The following LRRC7 variants were observed in gnomAD, a reference collection of about 807,000 sequenced individuals.
The protein encoded by LRRC7 is leucine rich repeat containing 7.
LRRC7 carries 23 observed loss-of-function variants against 175.7 expected under a neutral mutation model. The observed-to-expected ratio is 0.13, with a 90% CI of 0.09 to 0.19. LRRC7 has a LOEUF of 0.19. Among genes scored for constraint, LRRC7 ranks in the 10% least tolerant of loss-of-function variants. The probability of loss-of-function intolerance (pLI) is 1.00; values close to 1 mark genes in which losing one functional copy is unlikely to be tolerated. For synonymous variants in LRRC7, 685 were observed against 680.9 expected, an observed-to-expected ratio of 1.01 and a Z score of -0.09; for missense variants, 1,354 against 1,904.7, an observed-to-expected ratio of 0.71 and a Z score of 5.38.
intron 1 of LRRC7, among the ~76,000 whole-genome samples, chr1:69,615,539 A>G (rs143526150): frequency 4.3e-4 from 66 of 152,216 alleles, no homozygotes; most frequent in African/African-American, 1.4e-3. Context: ...TACTTTCAGA[A>G]TTCTAATCAT....
intron 1 of LRRC7, among the ~76,000 whole-genome samples, chr1:69,604,655 A>G (rs184545857): frequency 9.3e-4 from 142 of 152,176 alleles, no homozygotes; most frequent in African/African-American, 3.2e-3. Flanking sequence ...TTATTGTTTT[A>G]TGAGTTTTGC....
At chr1:69,602,092 A>G (rs1647097362) in intron 1 of LRRC7, among the ~76,000 whole-genome samples, 1 of 152,234 alleles carries the variant, frequency 6.6e-6, no homozygotes, top group South Asian at 2.1e-4. Context: ...TACTTTACAA[A>G]TAAATGAATT....
chr1:69,955,092 T>C (rs1650356950), intron 8 of LRRC7, among the ~76,000 whole-genome samples: 1 of 152,092 alleles, frequency 6.6e-6, no homozygotes, highest in Non-Finnish European at 1.5e-5. Context: ...TTCTCTGTTA[T>C]ATGCCACACA....
chr1:69,748,459 T>C (rs1189149922), intron 2 of LRRC7, among the ~76,000 whole-genome samples: 1 of 152,142 alleles, frequency 6.6e-6, no homozygotes, highest in African/African-American at 2.4e-5. Flanking sequence ...TACTCAAATC[T>C]CTGGAAGAAG....
chr1:69,589,115 G>GGGGTGTGTGTGTGT (rs1216721512), intron 1 of LRRC7, among the ~76,000 whole-genome samples: 32 of 142,458 alleles, frequency 2.2e-4, no homozygotes, highest in African/African-American at 7.8e-4. Flanking sequence ...TCATAAAAAG[G>GGGGTGTGTGTGTGT]GTGTGTGTGT....
chr1:69,781,547 G>C (rs187087734), intron 3 of LRRC7, among the ~76,000 whole-genome samples: 1 of 150,756 alleles, frequency 6.6e-6, no homozygotes, highest in East Asian at 2.0e-4. Context: ...GCCAGGTGTG[G>C]TGTGCACAAC....
intron 1 of LRRC7, among the ~76,000 whole-genome samples, chr1:69,637,301 C>T (rs2100410682): frequency 6.6e-6 from 1 of 152,070 alleles, no homozygotes; most frequent in East Asian, 1.9e-4. Context: ...CAATGTCTCA[C>T]ACTGTTTTTA....
chr1:69,900,631 C>A (rs1023439613), intron 7 of LRRC7, among the ~76,000 whole-genome samples: 5 of 152,070 alleles, frequency 3.3e-5, no homozygotes, highest in Non-Finnish European at 7.4e-5. Flanking sequence ...CCTTAAAAAG[C>A]AATTACTGGT....
intron 11 of LRRC7, among the ~76,000 whole-genome samples, chr1:70,006,591 C>T (rs1038385220): frequency 6.6e-6 from 1 of 152,122 alleles, no homozygotes; most frequent in African/African-American, 2.4e-5. Flanking sequence ...CACCAAGCAA[C>T]TTTGCAGTTC....
intron 3 of LRRC7, among the ~76,000 whole-genome samples, chr1:69,780,313 C>T (rs1346203798): frequency 6.6e-6 from 1 of 152,164 alleles, no homozygotes; most frequent in Admixed American, 6.5e-5. Flanking sequence ...AGCCATCTCT[C>T]TGCTATAGTA....
chr1:69,617,171 A>T (rs1649766350), intron 1 of LRRC7, among the ~76,000 whole-genome samples: 1 of 152,052 alleles, frequency 6.6e-6, no homozygotes, highest in South Asian at 2.1e-4. Flanking sequence ...CAAACATTTG[A>T]CTCACAGCTG....
intron 7 of LRRC7, among the ~76,000 whole-genome samples, chr1:69,839,282 C>A (rs1681464795): frequency 6.6e-6 from 1 of 151,944 alleles, no homozygotes; most frequent in Non-Finnish European, 1.5e-5. Context: ...AAATAACTTT[C>A]AATAATGATA....
At chr1:69,664,254 T>G (rs227116) in intron 1 of LRRC7, among the ~76,000 whole-genome samples, 111,185 of 152,070 alleles carry the variant, frequency 0.73, 41,010 homozygotes, top group African/African-American at 0.8. Context: ...GAATAGGTCT[T>G]CAATAAACAT....
At chr1:69,933,035 G>A (rs1647551909) in intron 8 of LRRC7, among the ~76,000 whole-genome samples, 1 of 152,188 alleles carries the variant, frequency 6.6e-6, no homozygotes, top group Admixed American at 6.5e-5. Flanking sequence ...ATGAGACTGT[G>A]CCCTGTCCTC....
chr1:70,081,467 T>C (rs1162927680), intron 24 of LRRC7, among the ~76,000 whole-genome samples: 1 of 152,230 alleles, frequency 6.6e-6, no homozygotes, highest in Non-Finnish European at 1.5e-5. Flanking sequence ...AATGTTGTGA[T>C]ATAGGTAGAG....
chr1:69,967,357 C>G (rs1480398974), intron 8 of LRRC7, among the ~76,000 whole-genome samples: 1 of 152,104 alleles, frequency 6.6e-6, no homozygotes, highest in Non-Finnish European at 1.5e-5. Flanking sequence ...ATGCTCCTCC[C>G]CTACACCCTC....
intron 2 of LRRC7, among the ~76,000 whole-genome samples, chr1:69,689,862 T>C (rs1423631415): frequency 6.6e-6 from 1 of 152,176 alleles, no homozygotes; most frequent in African/African-American, 2.4e-5. Context: ...GGCTGAATTT[T>C]CTCTGCACAT....
intron 24 of LRRC7, among the ~76,000 whole-genome samples, chr1:70,084,095 G>A (rs1363974863): frequency 6.6e-6 from 1 of 152,002 alleles, no homozygotes; most frequent in African/African-American, 2.4e-5. Flanking sequence ...TGCAGATCTA[G>A]CCCCACCTTC....
intron 26 of LRRC7, among the ~76,000 whole-genome samples, chr1:70,121,164 T>C (rs1050994355): frequency 1.3e-5 from 2 of 152,024 alleles, no homozygotes; most frequent in African/African-American, 4.8e-5. Flanking sequence ...CTAATGTCAG[T>C]GTGTTTTATC....
Sources: gnomAD v4.1 joint callset for allele counts (sites outside exome capture counted in the v4.1 genomes callset) on GRCh38, gnomAD v4.1.1 for gene constraint, MANE v1.5 for transcripts, NCBI Gene and HGNC (gene_info 2026-07-23, HGNC 2026-07-21) for gene names.